The following ARG1 variants were observed in gnomAD, a reference collection of about 807,000 sequenced individuals.
ARG1 encodes the protein arginase 1, also known as arginase-1.
Under a neutral mutation model 33.0 loss-of-function variants are expected in ARG1, and 20 were observed. The ratio of observed to expected loss-of-function variants is 0.61; its 90% CI spans 0.43 to 0.88. ARG1 has a LOEUF of 0.88. Among genes scored for constraint, ARG1 ranks in the 40% least tolerant of loss-of-function variants. The pLI, the probability that ARG1 is intolerant of heterozygous loss-of-function variation, is 0.00. For synonymous variants in ARG1, 146 were observed against 140.6 expected, an observed-to-expected ratio of 1.04 and a Z score of -0.27; for missense variants, 374 against 384.7, an observed-to-expected ratio of 0.97 and a Z score of 0.23.
chr6:131,575,720 A>C (rs1372247120), intron 1 of ARG1, among the ~76,000 whole-genome samples: 10 of 152,250 alleles, frequency 6.6e-5, no homozygotes, highest in Admixed American at 6.5e-4. Flanking sequence ...AATTAAAATC[A>C]GAAAGATACA....
chr6:131,583,684 A>G (rs1774056071), intron 7 of ARG1, 58 bp from the exon 8 acceptor site: 1 of 1,576,698 alleles, frequency 6.3e-7, no homozygotes, highest in Non-Finnish European at 8.7e-7. Flanking sequence ...GTCTGTCTGT[A>G]CTACTTTCAA....
chr6:131,582,474 CTTAA>C (rs1773976742), intron 4 of ARG1, 143 bp from the exon 5 acceptor site: 1 of 700,736 alleles, frequency 1.4e-6, no homozygotes, highest in Non-Finnish European at 2.4e-6. Flanking sequence ...ACATCCTCTT[CTTAA>C]TTGTGTATTA....
In ARG1 at chr6:131,583,807, A is replaced by C; in HGVS notation, c.868A>C (p.Thr290Pro). ...CCTGGGGAAGACACCAGAAGAAGTAACTCGAACAGTGAACACAGCAGTTGC... is the reference window on the plus strand; with the variant it reads ...CCTGGGGAAGACACCAGAAGAAGTACCTCGAACAGTGAACACAGCAGTTGC... Reference protein sequence around the residue: ...PSLGKTPEEVTRTVNTAVAIT... With the variant: ...PSLGKTPEEVPRTVNTAVAIT... The change falls in exon 8 of 8, where the codon ACT becomes CCT. Residue 290 changes from threonine to proline, a missense_variant. Transcript: ENST00000368087. 6.2e-7 allele frequency: 1 copy of C among 1,614,092 alleles called. No individual in the cohort carries two copies.
chr6:131,579,857 T>TGAGA (rs142346886), intron 3 of ARG1, among the ~76,000 whole-genome samples: 4 of 149,218 alleles, frequency 2.7e-5, no homozygotes, highest in East Asian at 3.9e-4. Context: ...TGTGTGTGTG[T>TGAGA]GAGAGAGAGA....
At chr6:131,580,551 C>T (rs184952013) in intron 3 of ARG1, among the ~76,000 whole-genome samples, 2 of 152,104 alleles carry the variant, frequency 1.3e-5, no homozygotes, top group Non-Finnish European at 2.9e-5. Flanking sequence ...CTAATAAATC[C>T]TAACTTTTAA....
Position 131,584,082 on chromosome 6 carries a change from T to A in ARG1, c.*174T>A. 1.3e-6 allele frequency: 1 copy of A among 760,884 alleles called. No homozygotes were observed. The highest frequency in any genetic ancestry group is 2.0e-6 in the Non-Finnish European group (1 of 490,140). The allele number at this position is 760,884 out of a possible 1,614,324, so 47.1% of individuals were successfully genotyped here. ...TGTAAAATTCAAGATGTGGAAATTC[T>A]AACTTTTTTGAAATTTAAAAGCTTA... On this transcript the variant is annotated 3_prime_UTR_variant, in exon 8 of 8. Transcript: ENST00000368087.
intron 7 of ARG1, 33 bp from the exon 8 acceptor site, chr6:131,583,709 T>A (rs1299010389): frequency 1.2e-6 from 2 of 1,604,142 alleles, no homozygotes; most frequent in Middle Eastern, 1.7e-4. Flanking sequence ...TCAACTATTT[T>A]ATAAATTACA....
chr6:131,580,584 T>C (rs1773869284), intron 3 of ARG1, among the ~76,000 whole-genome samples: 1 of 152,218 alleles, frequency 6.6e-6, no homozygotes, highest in African/African-American at 2.4e-5. Flanking sequence ...ATATCATTTA[T>C]GTCTTCCATT....
At chr6:131,575,451 T>C (rs979701673) in intron 1 of ARG1, among the ~76,000 whole-genome samples, 39 of 152,048 alleles carry the variant, frequency 2.6e-4, no homozygotes, top group Non-Finnish European at 3.8e-4. Context: ...GAGGCAGGTG[T>C]GTCAAGCAAA....
intron 3 of ARG1, 28 bp downstream of exon 3, chr6:131,579,313 A>C (rs983224088): frequency 6.2e-7 from 1 of 1,611,944 alleles, no homozygotes; most frequent in African/African-American, 1.3e-5. Flanking sequence ...TGTCTATGGG[A>C]ATCTGGCACA....
intron 1 of ARG1, among the ~76,000 whole-genome samples, chr6:131,574,518 C>T (rs907518200): frequency 3.9e-5 from 6 of 152,132 alleles, no homozygotes; most frequent in African/African-American, 1.4e-4. Context: ...AAAAGGGAAG[C>T]AAGTGTCCTC....
intron 3 of ARG1, chr6:131,579,815 A>T (rs1773823481): frequency 6.2e-6 from 1 of 161,610 alleles, no homozygotes; most frequent in South Asian, 1.7e-4. Context: ...CTTGTACATG[A>T]TGACTTTGTT....
chr6:131,583,190 ATGTGTGTG>A, intron 6 of ARG1, 26 bp downstream of exon 6: 1 of 1,601,186 alleles, frequency 6.2e-7, no homozygotes, highest in South Asian at 1.1e-5. Flanking sequence ...GTGTGCACAC[ATGTGTGTG>A]CAACAGAAAA....
At chr6:131,577,515 C>T (rs1773678204) in intron 2 of ARG1, among the ~76,000 whole-genome samples, 1 of 151,924 alleles carries the variant, frequency 6.6e-6, no homozygotes, top group South Asian at 2.1e-4. Context: ...TTTATAATAA[C>T]CAAAAAATGG....
At chr6:131,580,825 A>G (rs1186914513) in intron 3 of ARG1, among the ~76,000 whole-genome samples, 2 of 152,226 alleles carry the variant, frequency 1.3e-5, no homozygotes, top group African/African-American at 4.8e-5. Flanking sequence ...GTATTTACCA[A>G]GAGAGATGAG....
At chr6:131,583,293 T>C (rs1300158075) in intron 6 of ARG1, 62 bp from the exon 7 acceptor site, 1 of 1,610,488 alleles carries the variant, frequency 6.2e-7, no homozygotes, top group Non-Finnish European at 8.5e-7. Flanking sequence ...GTTAACAGAT[T>C]ATTATCTATG....
intron 3 of ARG1, 83 bp downstream of exon 3, chr6:131,579,368 T>C (rs909720227): frequency 1.5e-5 from 23 of 1,498,522 alleles, no homozygotes; most frequent in Admixed American, 1.9e-5. Context: ...TTTAGAAATA[T>C]AGACAGAAAA....
intron 3 of ARG1, among the ~76,000 whole-genome samples, chr6:131,580,377 G>A (rs759564386): frequency 1.3e-5 from 2 of 152,156 alleles, no homozygotes; most frequent in Non-Finnish European, 2.9e-5. Flanking sequence ...ATACCTGAAC[G>A]TTAAGGCATT....
At position 131,579,139 on chromosome 6, in the gene ARG1, G is replaced by T; in HGVS notation, c.159G>T (p.Leu53=). 9 of 1,614,164 alleles carry T rather than the reference G, an allele frequency of 5.6e-6. No individual in the cohort carries two copies. Among genetic ancestry groups the T allele is most frequent in the Non-Finnish European group, 7.6e-6 (9 of 1,180,018 alleles). ...GTGATGTGAAGGATTATGGGGACCT[G>T]CCCTTTGCTGACATCCCTAATGACA... ...QECDVKDYGD[L]PFADIPNDSP... is the part of the protein sequence containing the mutation. Residue 53 remains leucine, a synonymous_variant, in exon 3 of 8, where the codon CTG becomes CTT. Coordinates refer to ENST00000368087, the MANE Select transcript of ARG1 (RefSeq NM_000045.4).
Sources: gnomAD v4.1 joint callset for allele counts (sites outside exome capture counted in the v4.1 genomes callset) on GRCh38, gnomAD v4.1.1 for gene constraint, MANE v1.5 for transcripts, NCBI Gene and HGNC (gene_info 2026-07-23, HGNC 2026-07-21) for gene names.